The following DHRS7 variants were observed in gnomAD, a reference collection of about 807,000 sequenced individuals.
The protein encoded by DHRS7 is dehydrogenase/reductase SDR family member 7.
In DHRS7, 34 loss-of-function variants were observed where a neutral mutation model predicts 38.9. The observed-to-expected ratio is 0.87, with a 90% CI of 0.66 to 1.16. The LOEUF (loss-of-function observed/expected upper bound fraction) is 1.16, where lower values mean the gene tolerates loss of function less well. Among genes scored for constraint, DHRS7 ranks in the 50% most tolerant of loss-of-function variants. DHRS7 has a pLI of 0.00. For synonymous variants in DHRS7, 158 were observed against 153.1 expected (o/e 1.03, Z -0.24); for missense variants, 421 against 407.0 (o/e 1.03, Z -0.30).
upstream of DHRS7, chr14:60,166,077 G>GC (rs1275541967): frequency 4.1e-5 from 14 of 343,198 alleles, no homozygotes; most frequent in Non-Finnish European, 5.8e-5. Context: ...AATAAAAACA[G>GC]AGAATGTAAT....
In DHRS7 at chr14:60,165,355, C is replaced by G; in HGVS notation, c.-46G>C. On this transcript the variant is annotated 5_prime_UTR_variant, in exon 1 of 7. Coordinates refer to ENST00000557185, the MANE Select transcript of DHRS7 (RefSeq NM_016029.4). This position sits in a 1 kb window ranked among gnomAD's most constrained non-coding sequence, Gnocchi z 4.6. ...TCGGGGGGAAGAAGACGGCCCGCAC[C>G]AGAGTCGCGTCGCTGCCCTGCGGGA... 6.5e-7 allele frequency: 1 copy of G among 1,543,526 alleles called. No homozygotes were observed. Among genetic ancestry groups the G allele is most frequent in the Non-Finnish European group, 8.7e-7 (1 of 1,149,354 alleles).
At position 60,153,350 on chromosome 14, in the gene DHRS7, G is replaced by A. The variant is rs183522069; in HGVS notation, c.394-172C>T. On this transcript the variant is annotated intron_variant, in intron 3 of 6. Transcript: ENST00000557185. This position sits in a 1 kb window ranked among gnomAD's most constrained non-coding sequence, Gnocchi z 4.4. ...AAATAAAGCCCTGAATTTACCTGTG[G>A]AATTAAATTCCCGTTTTAGGTGACT... is the stretch of plus-strand genomic sequence containing the variant. Among the ~76,000 whole-genome samples the A allele has an allele frequency of 1.2e-4, 19 of 152,184 alleles. No homozygotes were observed. Among genetic ancestry groups the A allele is most frequent in the Admixed American group, 1.2e-3 (18 of 15,282 alleles).
chr14:60,155,449 A>T (rs938432615), intron 2 of DHRS7, among the ~76,000 whole-genome samples: 7 of 152,336 alleles, frequency 4.6e-5, no homozygotes, highest in South Asian at 4.1e-4. Flanking sequence ...ACTTCATCTC[A>T]AAAAGAAAAA....
rs1164755140 is a variant in DHRS7, at chr14:60,144,317, T to C, written c.*649A>G. 2 of 152,458 alleles carry C rather than the reference T, an allele frequency of 1.3e-5. No individual in the cohort carries two copies. Among genetic ancestry groups the C allele is most frequent in the Non-Finnish European group, 2.9e-5 (2 of 68,220 alleles). The allele number at this position is 152,458 out of a possible 1,614,324, so 9.4% of individuals were successfully genotyped here. ...TTGTGTGAAATATTCTATACATTTA[T>C]GTTGCTATGGTTTGGATGTTTTTGT... On this transcript the variant is annotated 3_prime_UTR_variant, in exon 7 of 7. Coordinates refer to ENST00000557185, the MANE Select transcript of DHRS7 (RefSeq NM_016029.4).
In DHRS7 at chr14:60,153,025, C is replaced by G. The variant is rs1309639586; in HGVS notation, c.547G>C (p.Gly183Arg). 10 of 1,614,056 alleles carry G rather than the reference C, an allele frequency of 6.2e-6. No individual in the cohort carries two copies. The highest frequency in any genetic ancestry group is 8.5e-6 in the Non-Finnish European group (10 of 1,180,024). Residue 183 changes from glycine to arginine, a missense_variant, in exon 4 of 7, where the codon GGA (glycine) becomes CGA (arginine). Coordinates refer to ENST00000557185, the MANE Select transcript of DHRS7 (RefSeq NM_016029.4). The surrounding 1 kb of genome is among the most constrained non-coding windows in gnomAD (Gnocchi z 4.4). ...ATGCTATTCACAGTAACAATCTTTC[C>G]TTGCTTCCTCTCGATCATGTGAGGC... ...VLPHMIERKQ[G>R]KIVTVNSILG...
Position 60,160,593 on chromosome 14 carries a change from C to T in DHRS7, c.134-4441G>A, listed in dbSNP as rs974555414. On this transcript the variant is annotated intron_variant, in intron 1 of 6. Coordinates refer to ENST00000557185, the MANE Select transcript of DHRS7 (RefSeq NM_016029.4). ...ACTAACCTGTTTTTTGGCGGGGGGA[C>T]GGGGGGAGGGGACAAGGCCTGGCTC... Among the ~76,000 whole-genome samples the T allele has an allele frequency of 7.1e-5, 10 of 140,710 alleles. 1 individual carries two copies. Among genetic ancestry groups the T allele is most frequent in the South Asian group, 6.9e-4 (3 of 4,324 alleles). The allele number at this position is 140,710 out of a possible 152,430, so 92.3% of individuals were successfully genotyped here.
intron 1 of DHRS7, among the ~76,000 whole-genome samples, chr14:60,160,749 A>G (rs1896749463): frequency 6.6e-6 from 1 of 151,950 alleles, no homozygotes; most frequent in African/African-American, 2.4e-5. Context: ...ATGCCCGGCT[A>G]ATTTTTTTGT....
intron 1 of DHRS7, among the ~76,000 whole-genome samples, chr14:60,159,860 T>C (rs574949436): frequency 6.6e-6 from 1 of 152,318 alleles, no homozygotes; most frequent in East Asian, 1.9e-4. Context: ...TTGTCAAAAC[T>C]TAACCAAATG....
chr14:60,160,356 T>G (rs2140610196), intron 1 of DHRS7, among the ~76,000 whole-genome samples: 1 of 151,470 alleles, frequency 6.6e-6, no homozygotes, highest in Non-Finnish European at 1.5e-5. Flanking sequence ...TTTTTTTTTT[T>G]TTTTTACAAA....
At position 60,146,364 on chromosome 14, in the gene DHRS7, C is replaced by T. The variant is rs886417914; in HGVS notation, c.973-1351G>A. On this transcript the variant is annotated intron_variant, in intron 6 of 6. Transcript: ENST00000557185. The surrounding 1 kb of genome is among the most constrained non-coding windows in gnomAD (Gnocchi z 4.9). ...CAGTGGGACTGAAATTCTCTAGTCC[C>T]TGGTCCCTCTTTCCCCTTTGAAAAA... 6.6e-6 allele frequency: 1 copy of T among 152,048 alleles called. No individual in the cohort carries two copies. The highest frequency in any genetic ancestry group is 2.4e-5 in the African/African-American group (1 of 41,386). The allele number at this position is 152,048 out of a possible 1,614,324, so 9.4% of individuals were successfully genotyped here.
In DHRS7 at chr14:60,146,211, A is replaced by G. The variant is rs905792863; in HGVS notation, c.973-1198T>C. The G allele has an allele frequency of 2.0e-5, 3 of 151,932 alleles. No individual in the cohort carries two copies. The highest frequency in any genetic ancestry group is 7.2e-5 in the African/African-American group (3 of 41,394). 9.4% of individuals were successfully genotyped at this position (151,932 alleles called of 1,614,324 possible). On this transcript the variant is annotated intron_variant, in intron 6 of 6. Transcript: ENST00000557185. The surrounding 1 kb of genome is among the most constrained non-coding windows in gnomAD (Gnocchi z 4.9). Reference sequence around the variant, plus strand: ...TGGTGGTAGGAAGAAAAAGGCTGTCATTTTTTTAGAAAAACCTAGATGTAA... The same window carrying G: ...TGGTGGTAGGAAGAAAAAGGCTGTCGTTTTTTTAGAAAAACCTAGATGTAA...
chr14:60,163,300 T>C (rs1320845048), intron 1 of DHRS7, among the ~76,000 whole-genome samples: 1 of 152,274 alleles, frequency 6.6e-6, no homozygotes, highest in Non-Finnish European at 1.5e-5. Context: ...CTTCTAACTT[T>C]ATAACTGTAT....
chr14:60,168,458 C>A (rs1896893436), upstream of DHRS7, among the ~76,000 whole-genome samples: 2 of 152,246 alleles, frequency 1.3e-5, no homozygotes, highest in Non-Finnish European at 1.5e-5. Flanking sequence ...TTGCCAATAC[C>A]AATTCCCTGG....
intron 6 of DHRS7, chr14:60,149,015 C>G (rs990956102): frequency 4.2e-6 from 1 of 240,032 alleles, no homozygotes; most frequent in African/African-American, 2.3e-5. Flanking sequence ...CTCTATCACC[C>G]GGGCTGGAGT....
At position 60,150,637 on chromosome 14, in the gene DHRS7, G is replaced by A. The variant is rs537968359; in HGVS notation, c.634-450C>T. ...TAGGTTCATCCATGCCCCTACAAAGGACATGAACTCATCCTTTTTTATGGA... is the reference window on the plus strand; with the variant it reads ...TAGGTTCATCCATGCCCCTACAAAGAACATGAACTCATCCTTTTTTATGGA... On this transcript the variant is annotated intron_variant, in intron 4 of 6. Transcript: ENST00000557185. Among the ~76,000 whole-genome samples the A allele has an allele frequency of 3.9e-5, 6 of 152,280 alleles. No individual in the cohort carries two copies. The South Asian group carries it at 1.2e-3, about 32-fold the overall frequency.
In DHRS7 at chr14:60,148,973, GA is replaced by G. The variant is rs1896471208; in HGVS notation, c.972+379del. 1 of 171,624 alleles carries G rather than the reference GA, an allele frequency of 5.8e-6. No individual in the cohort carries two copies. The highest frequency in any genetic ancestry group is 2.4e-5 in the African/African-American group (1 of 41,910). 10.6% of individuals were successfully genotyped at this position (171,624 alleles called of 1,614,324 possible). A position where few individuals can be genotyped will look rare whatever the true frequency, so the allele number is the denominator to read the frequency against. ...ATATCATGAGATTGGTGGAGGGTTAGAAAGGTTTTTTGATTTTGAAATAGAG... is the reference window on the plus strand; with the variant it reads ...ATATCATGAGATTGGTGGAGGGTTAGAAGGTTTTTTGATTTTGAAATAGAG... On this transcript the variant is annotated intron_variant, in intron 6 of 6. Transcript: ENST00000557185. The surrounding 1 kb of genome is among the most constrained non-coding windows in gnomAD (Gnocchi z 4.8).
chr14:60,156,490 TAGATA>T (rs1185034392), intron 1 of DHRS7, among the ~76,000 whole-genome samples: 3 of 152,106 alleles, frequency 2.0e-5, no homozygotes, highest in Non-Finnish European at 2.9e-5. Context: ...ATAAATATGA[TAGATA>T]AGATAAACAG....
chr14:60,152,880 A>C, intron 4 of DHRS7, 59 bp downstream of exon 4: 1 of 1,592,680 alleles, frequency 6.3e-7, no homozygotes. Flanking sequence ...AGTGATGGCC[A>C]TATCCCCCAT....
chr14:60,153,274 A>G lies in DHRS7; in HGVS notation c.394-96T>C. On this transcript the variant is annotated intron_variant, in intron 3 of 6. Coordinates refer to ENST00000557185, the MANE Select transcript of DHRS7 (RefSeq NM_016029.4). The surrounding 1 kb of genome is among the most constrained non-coding windows in gnomAD (Gnocchi z 4.4). The stretch of plus-strand genomic sequence containing the variant: ...ATGGTTGGTTATTTTGTTAACTTAA[A>G]GAATCAATGGAACAATGGTATATTT... The G allele has an allele frequency of 7.3e-7, 1 of 1,372,602 alleles. No individual in the cohort carries two copies. The highest frequency in any genetic ancestry group is 2.0e-5 in the Admixed American group (1 of 49,216). 85.0% of individuals were successfully genotyped at this position (1,372,602 alleles called of 1,614,324 possible).
Sources: gnomAD v4.1 joint callset for allele counts (sites outside exome capture counted in the v4.1 genomes callset) on GRCh38, gnomAD v4.1.1 for gene constraint, Gnocchi (gnomAD v3.1) non-coding constraint, MANE v1.5 for transcripts, NCBI Gene and HGNC (gene_info 2026-07-23, HGNC 2026-07-21) for gene names.